Variants in CIDEC observed in about 807,000 individuals in gnomAD.
The protein encoded by CIDEC is cell death inducing DFFA like effector c.
CIDEC carries 11 observed loss-of-function variants against 21.9 expected under a neutral mutation model. The observed-to-expected ratio is 0.50, with a 90% CI of 0.32 to 0.83. The LOEUF (loss-of-function observed/expected upper bound fraction) is 0.83, where lower values mean the gene tolerates loss of function less well. Among genes scored for constraint, CIDEC ranks in the 40% least tolerant of loss-of-function variants. The pLI, the probability that CIDEC is intolerant of heterozygous loss-of-function variation, is 0.04. For synonymous variants in CIDEC, 127 were observed against 124.9 expected, an observed-to-expected ratio of 1.02 and a Z score of -0.11; for missense variants, 302 against 302.3, an observed-to-expected ratio of 1.00 and a Z score of 0.01.
At chr3:9,871,210 T>A (rs2125044426) in intron 4 of CIDEC, among the ~76,000 whole-genome samples, 1 of 149,744 alleles carries the variant, frequency 6.7e-6, no homozygotes, top group African/African-American at 2.5e-5. Context: ...GAGAAGGCCT[T>A]GCTCTTTAAC....
At chr3:9,877,275 C>G (rs2125052566) in intron 3 of CIDEC, 56 bp from the exon 4 acceptor site, 1 of 1,531,708 alleles carries the variant, frequency 6.5e-7, no homozygotes, top group African/African-American at 1.4e-5. Context: ...CCTTGCCCAC[C>G]ACACAGGGGA....
chr3:9,875,740 T>C (rs968743227), intron 4 of CIDEC, among the ~76,000 whole-genome samples: 4 of 152,236 alleles, frequency 2.6e-5, no homozygotes, highest in Non-Finnish European at 4.4e-5. Flanking sequence ...CCAAGAGTAA[T>C]AGGCAGCAAG....
intron 5 of CIDEC, 42 bp from the exon 6 acceptor site, chr3:9,870,111 T>C (rs779060376): frequency 6.2e-7 from 1 of 1,613,974 alleles, no homozygotes; most frequent in Non-Finnish European, 8.5e-7. Context: ...CTTGAAGACA[T>C]CTCCCAGAGT....
Position 9,877,235 on chromosome 3 carries a change from C to T in CIDEC, c.54-16G>A. ...TGACACATGCCTGGGGCAGTTGAAG[C>T]ATCAGGGTGAGCCACCCACTTTGCC... On this transcript the variant is annotated splice_polypyrimidine_tract_variant and intron_variant, in intron 3 of 6. Coordinates refer to ENST00000336832, the MANE Select transcript of CIDEC (RefSeq NM_001321142.2). 6.5e-7 allele frequency: 1 copy of T among 1,549,784 alleles called. No individual in the cohort carries two copies. The highest frequency in any genetic ancestry group is 8.7e-7 in the Non-Finnish European group (1 of 1,146,956).
intron 4 of CIDEC, 199 bp from the exon 5 acceptor site, chr3:9,870,521 T>A (rs751188419): frequency 6.9e-7 from 1 of 1,456,482 alleles, no homozygotes; most frequent in Non-Finnish European, 9.3e-7. Flanking sequence ...CACATATAAT[T>A]TTTAATTGTG....
chr3:9,874,580 A>G (rs1283976636), intron 4 of CIDEC, among the ~76,000 whole-genome samples: 2 of 151,728 alleles, frequency 1.3e-5, no homozygotes, highest in Non-Finnish European at 2.9e-5. Flanking sequence ...CAGATGCAGA[A>G]TTCAATGTTT....
intron 3 of CIDEC, 67 bp downstream of exon 3, chr3:9,878,367 G>C (rs1273056002): frequency 8.3e-7 from 1 of 1,209,334 alleles, no homozygotes; most frequent in Non-Finnish European, 1.2e-6. Context: ...ACCCATTAAA[G>C]TTTGAGAAGT....
chr3:9,878,530 C>T lies in CIDEC; in HGVS notation c.-25-19G>A. The T allele has an allele frequency of 6.2e-7, 1 of 1,606,506 alleles. No homozygotes were observed. The highest frequency in any genetic ancestry group is 8.5e-7 in the Non-Finnish European group (1 of 1,173,094). ...GTTGGACCTGGGAAGGAGGCAGAAA[C>T]AATTCATCAGGGTGAGATGAGAGGG... On this transcript the variant is annotated intron_variant, in intron 2 of 6. Transcript: ENST00000336832.
intron 2 of CIDEC, 111 bp from the exon 3 acceptor site, chr3:9,878,622 C>T: frequency 8.0e-7 from 1 of 1,250,190 alleles, no homozygotes; most frequent in Non-Finnish European, 1.1e-6. Context: ...CCTCCCTATT[C>T]TTCTATCCCA....
At chr3:9,877,422 G>A (rs2082442259) in intron 3 of CIDEC, among the ~76,000 whole-genome samples, 1 of 152,218 alleles carries the variant, frequency 6.6e-6, no homozygotes, top group Non-Finnish European at 1.5e-5. Flanking sequence ...CACTTTGGAA[G>A]GCTGAGGTGG....
chr3:9,872,657 C>A (rs556988945), intron 4 of CIDEC, among the ~76,000 whole-genome samples: 1 of 151,572 alleles, frequency 6.6e-6, no homozygotes, highest in East Asian at 1.9e-4. Flanking sequence ...ATTTTGTGGG[C>A]TGTGTTTTTT....
At chr3:9,877,248 C>T in intron 3 of CIDEC, 29 bp from the exon 4 acceptor site, 1 of 1,549,514 alleles carries the variant, frequency 6.5e-7, no homozygotes, top group African/African-American at 1.4e-5. Context: ...CAGGGTGAGC[C>T]ACCCACTTTG....
chr3:9,869,896 G>C lies in CIDEC; in HGVS notation c.540C>G (p.Ala180=). The C allele has an allele frequency of 6.2e-7, 1 of 1,612,948 alleles. No individual in the cohort carries two copies. The highest frequency in any genetic ancestry group is 8.5e-7 in the Non-Finnish European group (1 of 1,179,924). The change falls in exon 6 of 7, where the codon GCC becomes GCG. Residue 180 remains alanine, a synonymous_variant. Transcript: ENST00000336832. ...SLSYDLHCCG[A]KRIMKEAFRW... is the part of the protein sequence containing the mutation. ...AATTTGCTCACTTCATGATGCGCTT[G>C]GCCCCACAGCAGTGCAGATCATAGG...
At chr3:9,871,966 G>T (rs2082354365) in intron 4 of CIDEC, among the ~76,000 whole-genome samples, 1 of 151,508 alleles carries the variant, frequency 6.6e-6, no homozygotes, top group African/African-American at 2.4e-5. Flanking sequence ...TTTGTTTTTG[G>T]TTTTGTTTTG....
chr3:9,871,792 A>C lies in CIDEC; in HGVS notation c.208-1470T>G, dbSNP rs2082351880. On this transcript the variant is annotated intron_variant, in intron 4 of 6. Coordinates refer to ENST00000336832, the MANE Select transcript of CIDEC (RefSeq NM_001321142.2). The stretch of plus-strand genomic sequence containing the variant: ...ATTACAGACATGTGCCACCACACCC[A>C]GCTAATTTTATACTTGTAGTAGATA... Among the ~76,000 whole-genome samples, 2 of 151,714 alleles carry C rather than the reference A, an allele frequency of 1.3e-5. 1 individual carries two copies. Among genetic ancestry groups the C allele is most frequent in the South Asian group, 4.2e-4 (2 of 4,806 alleles).
chr3:9,877,158 C>T lies in CIDEC; in HGVS notation c.115G>A (p.Ala39Thr). The T allele has an allele frequency of 1.3e-6, 2 of 1,551,604 alleles. No individual in the cohort carries two copies. Among genetic ancestry groups the T allele is most frequent in the Non-Finnish European group, 1.7e-6 (2 of 1,147,168 alleles). The change falls in exon 4 of 7, where the codon GCC (alanine) becomes ACC (threonine). Residue 39 changes from alanine to threonine, a missense_variant. Transcript: ENST00000336832. Reference protein sequence around the residue: ...QQLLSEPSPKAPRARPCRVST... With the variant: ...QQLLSEPSPKTPRARPCRVST... ...ACGCGGCAGGGCCGGGCCCTGGGGG[C>T]CTTGGGGCTGGGCTCCGACAGCAGC...
rs188824464 is a variant in CIDEC, at chr3:9,871,945, C to T, written c.208-1623G>A. 2.6e-4 allele frequency among the ~76,000 whole-genome samples: 40 copies of T among 151,446 alleles called. No homozygotes were observed. The East Asian group carries it at 3.1e-3, about 12-fold the overall frequency. The stretch of plus-strand genomic sequence containing the variant: ...GCACCAGGCCCAAAAATCTTTTTTT[C>T]GTTTGTTTGTTTTGTTTTTGGTTTT... On this transcript the variant is annotated intron_variant, in intron 4 of 6. Coordinates refer to ENST00000336832, the MANE Select transcript of CIDEC (RefSeq NM_001321142.2).
intron 3 of CIDEC, among the ~76,000 whole-genome samples, chr3:9,877,525 G>A (rs940204805): frequency 2.6e-5 from 4 of 152,156 alleles, no homozygotes; most frequent in Non-Finnish European, 5.9e-5. Context: ...CCAGTGTGGT[G>A]GCACATGCCT....
rs1451837774 is a variant in CIDEC at position 9,867,165 on chromosome 3, A to C, written c.686T>G (p.Leu229Arg). Residue 229 changes from leucine to arginine, a missense_variant, in exon 7 of 7, where the codon CTT becomes CGT. By Grantham distance (102) the Leu-to-Arg change is moderately radical (BLOSUM62 -2). Coordinates refer to ENST00000336832, the MANE Select transcript of CIDEC (RefSeq NM_001321142.2). ...CAGTATCTTCAGACAGGTCGGGATA[A>C]GGGATGAGGCCTTGCCCTTGGGGGG... ...GQPPKGKASS[L>R]IPTCLKILQ The C allele has an allele frequency of 1.2e-6, 2 of 1,613,842 alleles. No individual in the cohort carries two copies. Among genetic ancestry groups the C allele is most frequent in the African/African-American group, 1.3e-5 (1 of 75,056 alleles).
Sources: gnomAD v4.1 joint callset for allele counts (sites outside exome capture counted in the v4.1 genomes callset) on GRCh38, gnomAD v4.1.1 for gene constraint, MANE v1.5 for transcripts, NCBI Gene and HGNC (gene_info 2026-07-23, HGNC 2026-07-21) for gene names.